The following RORA variants were observed in gnomAD, a reference collection of about 807,000 sequenced individuals.
The protein encoded by RORA is nuclear receptor ROR-alpha.
A neutral mutation model predicts 69.5 loss-of-function variants in RORA; 7 were observed. That is an observed-to-expected ratio of 0.10 (90% confidence interval 0.06 to 0.19). The LOEUF is 0.19. RORA is among the 10% of genes least tolerant of loss of function. The pLI, the probability that RORA is intolerant of heterozygous loss-of-function variation, is 1.00. For missense variants in RORA, 457 were observed against 663.0 expected (o/e 0.69, Z 3.41); for synonymous variants, 261 against 240.8 (o/e 1.08, Z -0.78).
intron 1 of RORA, among the ~76,000 whole-genome samples, chr15:60,978,443 A>G (rs988949037): frequency 6.6e-6 from 1 of 152,122 alleles, no homozygotes; most frequent in African/African-American, 2.4e-5. Context: ...TATCCTATAT[A>G]CAAATATTTT....
At chr15:60,769,616 T>C (rs182652817) in intron 1 of RORA, among the ~76,000 whole-genome samples, 3 of 152,318 alleles carry the variant, frequency 2.0e-5, no homozygotes, top group East Asian at 1.9e-4. Context: ...TCTGGTCTCA[T>C]TGGCAGTTAG....
rs150754617 is a variant in RORA, at chr15:61,199,866, A to C, written c.166+29187T>G. Among the ~76,000 whole-genome samples, 20 of 152,316 alleles carry C rather than the reference A, an allele frequency of 1.3e-4. No individual in the cohort carries two copies. The East Asian group carries it at 3.9e-3, about 29-fold the overall frequency. On this transcript the variant is annotated intron_variant, in intron 1 of 10. Transcript: ENST00000335670. ...TTCCCCAGGCTTGTAAAACAGAAATAACAACACAGAACGAGCTGTGCCGTG... is the reference window on the plus strand; with the variant it reads ...TTCCCCAGGCTTGTAAAACAGAAATCACAACACAGAACGAGCTGTGCCGTG...
At chr15:60,800,879 A>G (rs1378181676) in intron 1 of RORA, among the ~76,000 whole-genome samples, 1 of 152,116 alleles carries the variant, frequency 6.6e-6, no homozygotes, top group African/African-American at 2.4e-5. Context: ...GTTAGTTCTT[A>G]TCGATTTGGT....
At chr15:61,076,721 C>A (rs764340201) in intron 1 of RORA, among the ~76,000 whole-genome samples, 25 of 152,136 alleles carry the variant, frequency 1.6e-4, no homozygotes, top group Non-Finnish European at 2.6e-4. Flanking sequence ...ATTCTAAAGC[C>A]AGATTGGGCT....
rs1187905386 is a variant in RORA at position 61,226,003 on chromosome 15, G to C, written c.166+3050C>G. 6.6e-6 allele frequency among the ~76,000 whole-genome samples: 1 copy of C among 152,154 alleles called. No individual in the cohort carries two copies. The highest frequency in any genetic ancestry group is 2.4e-5 in the African/African-American group (1 of 41,428). ...ACATTCCCAGCAGTTTTATGGACAG[G>C]GGAAGGTCGTCTTTCAGATTATAAA... On this transcript the variant is annotated intron_variant, in intron 1 of 10. Coordinates refer to ENST00000335670, the MANE Select transcript of RORA (RefSeq NM_134261.3). This position sits in a 1 kb window ranked among gnomAD's most constrained non-coding sequence, Gnocchi z 4.2.
intron 1 of RORA, among the ~76,000 whole-genome samples, chr15:60,780,400 C>T (rs1046305758): frequency 8.5e-5 from 13 of 152,130 alleles, no homozygotes; most frequent in African/African-American, 2.7e-4. Flanking sequence ...AGTGAACATC[C>T]GCATGTAAGA....
At chr15:60,571,498 G>C (rs1339444799) in intron 2 of RORA, among the ~76,000 whole-genome samples, 1 of 152,108 alleles carries the variant, frequency 6.6e-6, no homozygotes, top group Non-Finnish European at 1.5e-5. Context: ...TTTTAAAAGA[G>C]TTAAAGAGGC....
chr15:60,726,244 C>A (rs1320339647), intron 1 of RORA, among the ~76,000 whole-genome samples: 1 of 152,136 alleles, frequency 6.6e-6, no homozygotes, highest in African/African-American at 2.4e-5. Context: ...CAGAATCCCC[C>A]TTTAAGCTCA....
At chr15:60,991,652 C>T (rs971089104) in intron 1 of RORA, among the ~76,000 whole-genome samples, 24 of 152,230 alleles carry the variant, frequency 1.6e-4, no homozygotes, top group African/African-American at 4.1e-4. Flanking sequence ...AATCCCAGCA[C>T]TTTCGGAGGC....
intron 2 of RORA, chr15:60,545,248 G>A (rs973406252): frequency 3.3e-5 from 5 of 152,126 alleles, no homozygotes; most frequent in African/African-American, 1.2e-4. Flanking sequence ...TATTTGGGGG[G>A]TTCATAACCT....
At chr15:60,607,884 G>A (rs965828674) in intron 2 of RORA, among the ~76,000 whole-genome samples, 7 of 152,224 alleles carry the variant, frequency 4.6e-5, no homozygotes, top group Admixed American at 2.0e-4. Flanking sequence ...ACAACTTGGC[G>A]TTGTTTCCAT....
chr15:60,596,362 A>G (rs1332738937), intron 2 of RORA, among the ~76,000 whole-genome samples: 1 of 152,118 alleles, frequency 6.6e-6, no homozygotes, highest in African/African-American at 2.4e-5. Context: ...TAGCTGAACA[A>G]GAAAGGGATC....
rs112421491 is a variant in RORA, at chr15:61,115,179, A to G, written c.166+113874T>C. Among the ~76,000 whole-genome samples the G allele has an allele frequency of 3.5e-3, 534 of 152,232 alleles. 4 individuals are homozygous for G. Among genetic ancestry groups the G allele is most frequent in the African/African-American group, 0.012 (503 of 41,520 alleles). On this transcript the variant is annotated intron_variant, in intron 1 of 10. Coordinates refer to ENST00000335670, the MANE Select transcript of RORA (RefSeq NM_134261.3). ...TCCAGTGAAGACACTGCTCTCTTTC[A>G]TATCTCCAGAGTCCACCAGGGAGCT...
chr15:60,507,406 T>C (rs992866239), intron 5 of RORA, among the ~76,000 whole-genome samples: 1 of 152,154 alleles, frequency 6.6e-6, no homozygotes, highest in African/African-American at 2.4e-5. Context: ...TAAATGGAGC[T>C]GGAAACCAGA....
rs143654482 is a variant in RORA, at chr15:60,938,365, T to C, written c.167-259679A>G. Among the ~76,000 whole-genome samples, 554 of 152,318 alleles carry C rather than the reference T, an allele frequency of 3.6e-3. 7 individuals are homozygous for C. The highest frequency in any genetic ancestry group is 0.013 in the African/African-American group (526 of 41,568). ...TTCCCATAATTAATAAAGATGATCA[T>C]TGTTACCATGACAATTAAGTTTCTG... On this transcript the variant is annotated intron_variant, in intron 1 of 10. Transcript: ENST00000335670.
At chr15:60,788,636 C>T (rs2072373634) in intron 1 of RORA, among the ~76,000 whole-genome samples, 1 of 152,006 alleles carries the variant, frequency 6.6e-6, no homozygotes, top group Admixed American at 6.6e-5. Context: ...GTGCCTCCCT[C>T]CTTTCCTCCC....
intron 1 of RORA, among the ~76,000 whole-genome samples, chr15:60,872,143 G>A (rs1454319819): frequency 6.6e-6 from 1 of 152,094 alleles, no homozygotes; most frequent in East Asian, 1.9e-4. Flanking sequence ...TAAGAGGTAG[G>A]AGCTCCATGT....
chr15:60,908,351 A>C (rs879919958), intron 1 of RORA, among the ~76,000 whole-genome samples: 2 of 152,190 alleles, frequency 1.3e-5, no homozygotes, highest in African/African-American at 2.4e-5. Flanking sequence ...AAAAATACTA[A>C]TCAAAATGGA....
intron 3 of RORA, among the ~76,000 whole-genome samples, chr15:60,521,310 C>G (rs1285674639): frequency 6.6e-6 from 1 of 151,200 alleles, no homozygotes; most frequent in Non-Finnish European, 1.5e-5. Flanking sequence ...GGCATTACCT[C>G]GGGTCACTGC....
Sources: allele counts gnomAD v4.1 joint callset (sites outside exome capture counted in the v4.1 genomes callset), GRCh38; gene constraint gnomAD v4.1.1; non-coding constraint Gnocchi (gnomAD v3.1); transcripts MANE v1.5; gene names NCBI Gene and HGNC (gene_info 2026-07-23, HGNC 2026-07-21).